The following PDE1C variants were observed in gnomAD, a reference collection of about 807,000 sequenced individuals.
PDE1C encodes the protein dual specificity calcium/calmodulin-dependent 3',5'-cyclic nucleotide phosphodiesterase 1C.
In PDE1C, 62 loss-of-function variants were observed where a neutral mutation model predicts 93.1. That is an observed-to-expected ratio of 0.67 (90% CI 0.54 to 0.82). PDE1C has a LOEUF of 0.82. PDE1C is among the 40% of genes least tolerant of loss of function. The probability of loss-of-function intolerance (pLI) is 0.00; values close to 1 mark genes in which losing one functional copy is unlikely to be tolerated. For synonymous variants in PDE1C, 325 were observed against 310.1 expected (o/e 1.05, Z -0.50); for missense variants, 742 against 884.6 (o/e 0.84, Z 2.04).
chr7:31,692,576 T>G, the PDE1C span: 1 of 1,515,156 alleles, frequency 6.6e-7, no homozygotes, highest in East Asian at 2.3e-5. Flanking sequence ...AGAAGAGGCG[T>G]CTCAGCCATT....
chr7:31,966,012 T>A (rs1307552766), intron 2 of PDE1C, among the ~76,000 whole-genome samples: 1 of 152,000 alleles, frequency 6.6e-6, no homozygotes, highest in Non-Finnish European at 1.5e-5. Flanking sequence ...ACATGCCAAA[T>A]TGTAAAGATC....
At chr7:32,059,848 A>T (rs1794593768) in intron 1 of PDE1C, among the ~76,000 whole-genome samples, 2 of 152,200 alleles carry the variant, frequency 1.3e-5, no homozygotes, top group Admixed American at 1.3e-4. Flanking sequence ...TGGAAGCCCA[A>T]GTAGTACGTT....
chr7:32,334,714 G>A (rs1166594541), intron 1 of PDE1C, among the ~76,000 whole-genome samples: 1 of 12,294 alleles, frequency 8.1e-5, no homozygotes, highest in African/African-American at 1.2e-4. Context: ...TCTTTAAACA[G>A]CACAAAGGCT....
chr7:31,822,952 TA>T (rs1789161082), intron 14 of PDE1C, 120 bp downstream of exon 14: 1 of 786,888 alleles, frequency 1.3e-6, no homozygotes, highest in Non-Finnish European at 2.0e-6. Flanking sequence ...TGGTAGATTC[TA>T]ATATTCGGCA....
intron 14 of PDE1C, among the ~76,000 whole-genome samples, chr7:31,821,654 A>T (rs904926429): frequency 6.6e-5 from 10 of 152,144 alleles, no homozygotes; most frequent in Admixed American, 3.3e-4. Flanking sequence ...AGGGTGCAAC[A>T]TCTGTCCTGA....
At chr7:32,360,076 G>A (rs1449747491) in intron 1 of PDE1C, among the ~76,000 whole-genome samples, 2 of 152,068 alleles carry the variant, frequency 1.3e-5, no homozygotes, top group Non-Finnish European at 2.9e-5. Flanking sequence ...ATTCCACACC[G>A]AGCCCAGCAA....
chr7:32,402,104 A>C (rs893924122), intron 1 of PDE1C, among the ~76,000 whole-genome samples: 1 of 152,194 alleles, frequency 6.6e-6, no homozygotes, highest in East Asian at 1.9e-4. Flanking sequence ...CACTAAAAAA[A>C]TATGTAATTT....
chr7:32,209,481 T>G (rs79564833), intron 2 of PDE1C: 413 of 1,569,760 alleles, frequency 2.6e-4, no homozygotes, highest in Non-Finnish European at 3.4e-4. Context: ...GAAACAAGAT[T>G]TACTCACGAG....
At chr7:32,082,831 T>G (rs1303591437) in intron 3 of PDE1C, among the ~76,000 whole-genome samples, 1 of 151,800 alleles carries the variant, frequency 6.6e-6, no homozygotes, top group Admixed American at 6.6e-5. Flanking sequence ...AGAAAGGACA[T>G]CCACACCAAA....
In PDE1C at chr7:31,836,650, T is replaced by C. The variant is rs73304585; in HGVS notation, c.1203+530A>G. ...ACCAGACCGATCCTGCCTATTCTTA[T>C]AGACAACACAACTCTGGAACTTAGG... On this transcript the variant is annotated intron_variant, in intron 11 of 17. Coordinates refer to ENST00000396191, the MANE Select transcript of PDE1C (RefSeq NM_001191057.4). 1.5e-3 allele frequency among the ~76,000 whole-genome samples: 236 copies of C among 152,274 alleles called. 2 individuals carry two copies. The highest frequency in any genetic ancestry group is 8.7e-3 in the East Asian group (45 of 5,168).
intron 2 of PDE1C, among the ~76,000 whole-genome samples, chr7:31,987,121 A>T (rs1216732278): frequency 1.3e-5 from 2 of 152,194 alleles, no homozygotes; most frequent in African/African-American, 4.8e-5. Context: ...ATGGACTAGG[A>T]TTAACCTACT....
the PDE1C span, among the ~76,000 whole-genome samples, chr7:31,739,770 C>T: frequency 2.0e-5 from 3 of 152,076 alleles, no homozygotes; most frequent in Non-Finnish European, 4.4e-5. Flanking sequence ...TCTCCCCCAA[C>T]TAAACAAAAA....
chr7:32,266,590 A>AAATTAT (rs1381423342), intron 1 of PDE1C, among the ~76,000 whole-genome samples: 1 of 152,240 alleles, frequency 6.6e-6, no homozygotes, highest in Admixed American at 6.5e-5. Context: ...TTGGCAAATA[A>AAATTAT]AAATAATTCA....
chr7:32,169,501 C>T (rs901474771), intron 3 of PDE1C, among the ~76,000 whole-genome samples: 1 of 152,126 alleles, frequency 6.6e-6, no homozygotes, highest in African/African-American at 2.4e-5. Context: ...CTCATTAATC[C>T]AATTCAAATT....
At chr7:32,076,814 C>T (rs954774666) in intron 3 of PDE1C, among the ~76,000 whole-genome samples, 1 of 150,798 alleles carries the variant, frequency 6.6e-6, no homozygotes, top group Non-Finnish European at 1.5e-5. Flanking sequence ...GTTATATGAA[C>T]AAAATAAATG....
intron 1 of PDE1C, among the ~76,000 whole-genome samples, chr7:32,395,339 ACTGAGTTTACAGAGAAAAGT>A (rs1784822377): frequency 6.6e-6 from 1 of 152,214 alleles, no homozygotes; most frequent in Non-Finnish European, 1.5e-5. Flanking sequence ...TGACTCTTCA[ACTGAGTTTACAGAGAAAAGT>A]AAAAGATTTC....
rs781112989 is a variant in PDE1C at position 31,828,388 on chromosome 7, G to T, written c.1204-15C>A. On this transcript the variant is annotated splice_polypyrimidine_tract_variant and intron_variant, in intron 11 of 17. Transcript: ENST00000396191. ...TCTCTGTCACCCTGGAAAAATAAAA[G>T]GTCATAGTAAATTAAGGAACAGTAG... is the stretch of plus-strand genomic sequence containing the variant. 1.9e-6 allele frequency: 3 copies of T among 1,607,368 alleles called. No individual in the cohort carries two copies. The highest frequency in any genetic ancestry group is 1.7e-6 in the Non-Finnish European group (2 of 1,175,094).
At chr7:31,962,675 C>T (rs558365838) in intron 2 of PDE1C, among the ~76,000 whole-genome samples, 8 of 152,228 alleles carry the variant, frequency 5.3e-5, no homozygotes, top group African/African-American at 1.9e-4. Context: ...GGGAAGATGG[C>T]TAACAGAAAT....
chr7:32,081,565 C>G (rs1351157934), intron 3 of PDE1C, among the ~76,000 whole-genome samples: 1 of 152,194 alleles, frequency 6.6e-6, no homozygotes, highest in Non-Finnish European at 1.5e-5. Context: ...CTATCAGAAT[C>G]TAATCACTCT....
Sources: gnomAD v4.1 joint callset for allele counts (sites outside exome capture counted in the v4.1 genomes callset) on GRCh38, gnomAD v4.1.1 for gene constraint, MANE v1.5 for transcripts, NCBI Gene and HGNC (gene_info 2026-07-23, HGNC 2026-07-21) for gene names.